Variants in TNRC18 observed in about 807,000 individuals in gnomAD.
TNRC18 encodes trinucleotide repeat containing 18.
A neutral mutation model predicts 226.7 loss-of-function variants in TNRC18; 69 were observed. The observed-to-expected ratio is 0.30, with a 90% confidence interval of 0.25 to 0.37. The LOEUF (loss-of-function observed/expected upper bound fraction) is 0.37, where lower values mean the gene tolerates loss of function less well. TNRC18 is among the 10% of genes least tolerant of loss of function. The pLI, the probability that TNRC18 is intolerant of heterozygous loss-of-function variation, is 1.00. For synonymous variants in TNRC18, 2,449 were observed against 1,927.6 expected (o/e 1.27, Z -7.09); for missense variants, 4,754 against 4,256.6 (o/e 1.12, Z -3.25).
intron 17 of TNRC18, 72 bp from the exon 18 acceptor site, chr7:5,345,882 C>T (rs903499258): frequency 4.7e-6 from 7 of 1,480,254 alleles, no homozygotes; most frequent in Non-Finnish European, 6.3e-6. Flanking sequence ...CGCCCCCTGG[C>T]CCAGAGTGGC....
chr7:5,335,835 G>GAGA (rs1790043352), intron 18 of TNRC18, among the ~76,000 whole-genome samples: 2 of 126,810 alleles, frequency 1.6e-5, no homozygotes, highest in Admixed American at 8.1e-5. Flanking sequence ...ATATTCACTG[G>GAGA]AAAAAAAAAA....
Position 5,332,716 on chromosome 7 carries a change from G to A in TNRC18, c.6053C>T (p.Ala2018Val), listed in dbSNP as rs1362180154. 7 of 1,527,958 alleles carry A rather than the reference G, an allele frequency of 4.6e-6. No homozygotes were observed. In the East Asian group the frequency reaches 7.6e-5, roughly 16 times the overall value. 94.7% of individuals were successfully genotyped at this position (1,527,958 alleles called of 1,614,324 possible). The part of the protein sequence containing the change: ...SAAAPAPVST[A>V]PATKTSRCAK... The stretch of plus-strand genomic sequence containing the variant: ...GCAGCGGCTGGTCTTGGTGGCGGGC[G>A]CGGTGCTGACGGGCGCAGGTGCAGC... Residue 2018 changes from alanine (A) to valine (V), a missense_variant, in exon 19 of 30, where the codon GCG (alanine) becomes GTG (valine). Ala to Val is a moderately conservative substitution (Grantham distance 64, BLOSUM62 0). Coordinates refer to ENST00000430969, the MANE Select transcript of TNRC18 (RefSeq NM_001080495.3).
chr7:5,389,267 G>A lies in TNRC18; in HGVS notation c.557C>T (p.Pro186Leu), dbSNP rs762693066. The change falls in exon 5 of 30, where the codon CCT becomes CTT. Residue 186 changes from proline to leucine, a missense_variant. Pro to Leu is a moderately conservative substitution (Grantham distance 98). Coordinates refer to ENST00000430969, the MANE Select transcript of TNRC18 (RefSeq NM_001080495.3). ...LHSHAPSART[P>L]GGGHSSGAPA... ...GGCGCCCGAGGAGTGGCCGCCGCCA[G>A]GGGTCCGGGCCGAGGGCGCGTGAGA... 7.6e-7 allele frequency: 1 copy of A among 1,307,256 alleles called. No individual in the cohort carries two copies. Among genetic ancestry groups the A allele is most frequent in the Non-Finnish European group, 9.7e-7 (1 of 1,029,828 alleles). The allele number at this position is 1,307,256 out of a possible 1,614,324, so 81.0% of individuals were successfully genotyped here.
rs900802870 is a variant in TNRC18 at position 5,377,584 on chromosome 7, G to A, written c.2256-8C>T. 3 of 1,570,918 alleles carry A rather than the reference G, an allele frequency of 1.9e-6. No individual in the cohort carries two copies. The African/African-American group carries it at 4.1e-5, about 21-fold the overall frequency. ...GCCAGCTCCTTACTCTCTCTGGAAG[G>A]AGGATCATAGGTGTCAGCGACAGCT... On this transcript the variant is annotated splice_region_variant and splice_polypyrimidine_tract_variant and intron_variant, in intron 6 of 29. Transcript: ENST00000430969. The surrounding 1 kb of genome is among the most constrained non-coding windows in gnomAD (Gnocchi z 5.8).
intron 5 of TNRC18, among the ~76,000 whole-genome samples, chr7:5,383,957 A>ATTT (rs765430615): frequency 0.05 from 3,908 of 78,758 alleles, 661 homozygotes; most frequent in African/African-American, 0.12. Flanking sequence ...TACCCGGGTG[A>ATTT]TTTTTTTTTT....
rs1324151543 is a variant in TNRC18 at position 5,388,230 on chromosome 7, G to A, written c.1594C>T (p.His532Tyr). ...QMAVLAAQHHHSRAEEEAAVV... is the reference protein window; with the variant it reads ...QMAVLAAQHHYSRAEEEAAVV... ...GCGGCCTCCTCTTCGGCGCGGCTGT[G>A]GTGGTGCTGCGCGGCCAGCACGGCC... Residue 532 changes from histidine to tyrosine, a missense_variant, in exon 5 of 30, where the codon CAC (histidine) becomes TAC (tyrosine). Physicochemically the swap from His to Tyr is moderately conservative, Grantham distance 83. Transcript: ENST00000430969. 1 of 1,604,920 alleles carries A rather than the reference G, an allele frequency of 6.2e-7. No homozygotes were observed. Among genetic ancestry groups the A allele is most frequent in the Non-Finnish European group, 8.5e-7 (1 of 1,176,854 alleles).
At position 5,312,686 on chromosome 7, in the gene TNRC18, C is replaced by G. The variant is rs1275709538; in HGVS notation, c.8205G>C (p.Gln2735His). 1.3e-6 allele frequency: 2 copies of G among 1,598,574 alleles called. No homozygotes were observed. The highest frequency in any genetic ancestry group is 2.7e-5 in the African/African-American group (2 of 74,442). The change falls in exon 27 of 30, where the codon CAG becomes CAC. Residue 2735 changes from glutamine (Q) to histidine (H), a missense_variant. By Grantham distance (24) the Gln-to-His change is conservative. Transcript: ENST00000430969. This position sits in a 1 kb window ranked among gnomAD's most constrained non-coding sequence, Gnocchi z 6.3. ...QPQAPPPQPTQPLQPKAQAGA... is the reference protein window; with the variant it reads ...QPQAPPPQPTHPLQPKAQAGA... The stretch of plus-strand genomic sequence containing the variant: ...CGGCCTGAGCCTTGGGCTGCAGAGG[C>G]TGTGTGGGCTGCGGAGGAGGCGCCT...
rs1473264936 is a variant in TNRC18 at position 5,359,511 on chromosome 7, T to G, written c.4720A>C (p.Lys1574Gln). ...DDYELGAGIR[K>Q]RHKGSEEEHD... Reference sequence around the variant, plus strand: ...TCCTCCTCAGACCCCTTGTGTCTCTTTCTTATCCCTGCTCCCAGCTCATAA... The same window carrying G: ...TCCTCCTCAGACCCCTTGTGTCTCTGTCTTATCCCTGCTCCCAGCTCATAA... Residue 1574 changes from lysine (K) to glutamine (Q), a missense_variant, in exon 15 of 30, where the codon AAG becomes CAG. Coordinates refer to ENST00000430969, the MANE Select transcript of TNRC18 (RefSeq NM_001080495.3). The G allele has an allele frequency of 5.6e-6, 9 of 1,613,916 alleles. No individual in the cohort carries two copies. In the African/African-American group the frequency reaches 1.2e-4, roughly 22 times the overall value.
At chr7:5,341,241 C>T (rs1330899290) in intron 18 of TNRC18, among the ~76,000 whole-genome samples, 2 of 144,628 alleles carry the variant, frequency 1.4e-5, no homozygotes, top group South Asian at 2.2e-4. Flanking sequence ...GAAACCCTGT[C>T]TCTACTAAAA....
chr7:5,315,428 T>G lies in TNRC18; in HGVS notation c.6863-280A>C, dbSNP rs4720581. 9.7e-3 allele frequency among the ~76,000 whole-genome samples: 435 copies of G among 44,740 alleles called. 5 individuals carry two copies. The highest frequency in any genetic ancestry group is 0.076 in the East Asian group (59 of 774). 29.4% of individuals were successfully genotyped at this position (44,740 alleles called of 152,430 possible). ...TGACTTTTGTTGGGTTTTTTTTTTT[T>G]TTTTTTTTTTTTTTAAAACAGAGTC... On this transcript the variant is annotated intron_variant, in intron 25 of 29. Transcript: ENST00000430969.
chr7:5,313,001 G>GGAA lies in TNRC18; in HGVS notation c.7889_7890insTTC (p.Ser2671dup), dbSNP rs1454635367. 1.1e-6 allele frequency: 1 copy of GGAA among 925,956 alleles called. No individual in the cohort carries two copies. Among genetic ancestry groups the GGAA allele is most frequent in the African/African-American group, 1.7e-5 (1 of 60,452 alleles). 57.4% of individuals were successfully genotyped at this position (925,956 alleles called of 1,614,324 possible). A position where few individuals can be genotyped will look rare whatever the true frequency, so the allele number is the denominator to read the frequency against. ...AGGAAGAGGAGGAGGAGGAAGAGGAGGATGAGGAGGAGGAGGAGGAGGAGG... is the reference window on the plus strand; with the variant it reads ...AGGAAGAGGAGGAGGAGGAAGAGGAGGAAGATGAGGAGGAGGAGGAGGAGGAGG... On this transcript the variant is annotated inframe_insertion, in exon 27 of 30. Coordinates refer to ENST00000430969, the MANE Select transcript of TNRC18 (RefSeq NM_001080495.3).
chr7:5,414,870 C>T (rs931308150), intron 2 of TNRC18, among the ~76,000 whole-genome samples: 3 of 152,220 alleles, frequency 2.0e-5, no homozygotes, highest in African/African-American at 7.2e-5. Flanking sequence ...TTCTTTGTAG[C>T]AATTTCTTCC....
chr7:5,388,354 G>A lies in TNRC18; in HGVS notation c.1470C>T (p.Ala490=), dbSNP rs762302284. The part of the protein sequence containing the change: ...RGPAGPAAQQ[A]AKLFGLEPGR... The stretch of plus-strand genomic sequence containing the variant: ...CGGGCTCCAGGCCGAAGAGCTTGGC[G>A]GCCTGTTGGGCTGCAGGACCGGCTG... Residue 490 remains alanine (A), a synonymous_variant, in exon 5 of 30, where the codon GCC becomes GCT. Coordinates refer to ENST00000430969, the MANE Select transcript of TNRC18 (RefSeq NM_001080495.3). 2.2e-5 allele frequency: 34 copies of A among 1,576,170 alleles called. 1 individual carries two copies. Among genetic ancestry groups the A allele is most frequent in the Middle Eastern group, 1.7e-4 (1 of 5,998 alleles).
chr7:5,349,015 C>T (rs534969621), intron 17 of TNRC18, among the ~76,000 whole-genome samples: 1 of 152,270 alleles, frequency 6.6e-6, no homozygotes, highest in Non-Finnish European at 1.5e-5. Context: ...GGGATCTTCC[C>T]TTCTAGCCAC....
chr7:5,360,411 G>C (rs1792913347), intron 14 of TNRC18, among the ~76,000 whole-genome samples: 1 of 151,908 alleles, frequency 6.6e-6, no homozygotes, highest in African/African-American at 2.4e-5. Flanking sequence ...TGTATTTTTA[G>C]TAAAGAAGGG....
At position 5,377,967 on chromosome 7, in the gene TNRC18, C is replaced by T. The variant is rs771690025; in HGVS notation, c.2210G>A (p.Arg737Gln). Residue 737 changes from arginine to glutamine, a missense_variant, in exon 6 of 30, where the codon CGG becomes CAG. By Grantham distance (43) the Arg-to-Gln change is conservative. Transcript: ENST00000430969. This position sits in a 1 kb window ranked among gnomAD's most constrained non-coding sequence, Gnocchi z 5.8. ...VDDRARHREE[R>Q]LLGARLDRDQ... ...CCGGTCCAGCCGTGCCCCGAGCAGC[C>T]GTTCCTCCCGGTGTCTGGCCCGGTC... 8 of 1,613,446 alleles carry T rather than the reference C, an allele frequency of 5.0e-6. No homozygotes were observed. Among genetic ancestry groups the T allele is most frequent in the Admixed American group, 3.3e-5 (2 of 59,986 alleles).
intron 14 of TNRC18, 81 bp from the exon 15 acceptor site, chr7:5,359,650 G>C: frequency 6.4e-7 from 1 of 1,567,304 alleles, no homozygotes; most frequent in Non-Finnish European, 8.7e-7. Flanking sequence ...GGCCCTGAAG[G>C]GTTGGGCTCT....
Position 5,343,814 on chromosome 7 carries a change from C to A in TNRC18, c.5719+1748G>T, listed in dbSNP as rs144532952. ...TTAATAGGCAACAGTATAGTTTAAA[C>A]GTAATTTTATATGCACTGGGAAACC... On this transcript the variant is annotated intron_variant, in intron 18 of 29. Coordinates refer to ENST00000430969, the MANE Select transcript of TNRC18 (RefSeq NM_001080495.3). Among the ~76,000 whole-genome samples, 32 of 152,294 alleles carry A rather than the reference C, an allele frequency of 2.1e-4. No individual in the cohort carries two copies. In the East Asian group the frequency reaches 6.2e-3, roughly 29 times the overall value.
At chr7:5,382,777 G>C (rs1028934518) in intron 5 of TNRC18, among the ~76,000 whole-genome samples, 1 of 152,038 alleles carries the variant, frequency 6.6e-6, no homozygotes, top group African/African-American at 2.4e-5. Context: ...ATCCCTGCAG[G>C]CCTGTCTCCC....
Sources: gnomAD v4.1 joint callset for allele counts (sites outside exome capture counted in the v4.1 genomes callset) on GRCh38, gnomAD v4.1.1 for gene constraint, Gnocchi (gnomAD v3.1) non-coding constraint, MANE v1.5 for transcripts, NCBI Gene and HGNC (gene_info 2026-07-23, HGNC 2026-07-21) for gene names.